Variants in SLIT3 observed in about 807,000 individuals in gnomAD.
SLIT3 encodes the protein slit guidance ligand 3.
In SLIT3, 68 loss-of-function variants were observed where a neutral mutation model predicts 184.0. That is an observed-to-expected ratio of 0.37 (90% CI 0.30 to 0.45). The LOEUF (loss-of-function observed/expected upper bound fraction) is 0.45, where lower values mean the gene tolerates loss of function less well. SLIT3 is among the 20% of genes least tolerant of loss of function. The probability of loss-of-function intolerance (pLI) is 1.00; values close to 1 mark genes in which losing one functional copy is unlikely to be tolerated. For synonymous variants in SLIT3, 831 were observed against 828.6 expected, an observed-to-expected ratio of 1.00 and a Z score of -0.05; for missense variants, 1,707 against 2,026.0, an observed-to-expected ratio of 0.84 and a Z score of 3.02.
intron 4 of SLIT3, among the ~76,000 whole-genome samples, chr5:168,962,546 A>G (rs1027708935): frequency 6.6e-6 from 1 of 151,986 alleles, no homozygotes; most frequent in Non-Finnish European, 1.5e-5. Context: ...CTTAAGAAGT[A>G]GAAGAAAGAA....
chr5:169,290,001 A>ATACACCAGGGCATACG, intron 1 of SLIT3, among the ~76,000 whole-genome samples: 1 of 150,696 alleles, frequency 6.6e-6, no homozygotes, highest in Admixed American at 6.6e-5. Flanking sequence ...TAGGGCATAC[A>ATACACCAGGGCATACG]CTAGGGCACA....
chr5:169,046,612 C>T (rs1757630238), intron 4 of SLIT3, among the ~76,000 whole-genome samples: 1 of 152,194 alleles, frequency 6.6e-6, no homozygotes, highest in African/African-American at 2.4e-5. Context: ...ATCACTTTCT[C>T]CTTGCCTTGC....
intron 4 of SLIT3, among the ~76,000 whole-genome samples, chr5:169,062,192 A>C (rs1758194231): frequency 6.6e-6 from 1 of 152,180 alleles, no homozygotes; most frequent in Non-Finnish European, 1.5e-5. Flanking sequence ...TCAGCAAAAA[A>C]ATAAATACAT....
At chr5:168,907,147 CA>C (rs1430528409) in intron 4 of SLIT3, among the ~76,000 whole-genome samples, 1 of 152,178 alleles carries the variant, frequency 6.6e-6, no homozygotes, top group Non-Finnish European at 1.5e-5. Flanking sequence ...AGGCATGAAC[CA>C]CCGCGCCCAG....
intron 4 of SLIT3, among the ~76,000 whole-genome samples, chr5:168,954,006 T>A (rs1762742015): frequency 1.8e-5 from 2 of 112,634 alleles, no homozygotes; most frequent in Non-Finnish European, 3.5e-5. Context: ...AGCTGGGAAC[T>A]GAGACATTTT....
At chr5:169,006,832 C>T (rs1755952114) in intron 4 of SLIT3, among the ~76,000 whole-genome samples, 1 of 151,992 alleles carries the variant, frequency 6.6e-6, no homozygotes, top group South Asian at 2.1e-4. Context: ...AGAGTCGAGC[C>T]CCTTGGCCTT....
chr5:169,250,375 C>T (rs1017301523), intron 2 of SLIT3, among the ~76,000 whole-genome samples: 4 of 152,296 alleles, frequency 2.6e-5, no homozygotes, highest in South Asian at 4.1e-4. Flanking sequence ...AAGCACTACA[C>T]GTGTAACTAT....
At chr5:168,755,941 C>T (rs1754932844) in intron 16 of SLIT3, among the ~76,000 whole-genome samples, 1 of 152,224 alleles carries the variant, frequency 6.6e-6, no homozygotes, top group Admixed American at 6.5e-5. Flanking sequence ...CCCTGGAAAG[C>T]ATCCCTGGCC....
rs1761020017 is a variant in SLIT3 at position 168,665,940 on chromosome 5, T to TTAAAAAACAA, written c.*504_*513dup. 6.6e-6 allele frequency: 1 copy of TTAAAAAACAA among 151,990 alleles called. No homozygotes were observed. Among genetic ancestry groups the TTAAAAAACAA allele is most frequent in the Non-Finnish European group, 1.5e-5 (1 of 67,964 alleles). The allele number at this position is 151,990 out of a possible 1,614,324, so 9.4% of individuals were successfully genotyped here. On this transcript the variant is annotated 3_prime_UTR_variant, in exon 36 of 36. Coordinates refer to ENST00000519560, the MANE Select transcript of SLIT3 (RefSeq NM_003062.4). ...TTAGGGGAGGAAAAATAAAAGGGAGTTAAAAAACAAGAAACAAAGGTCTTT... is the reference window on the plus strand; with the variant it reads ...TTAGGGGAGGAAAAATAAAAGGGAGTTAAAAAACAATAAAAAACAAGAAACAAAGGTCTTT...
At chr5:169,019,969 A>G (rs962561114) in intron 4 of SLIT3, among the ~76,000 whole-genome samples, 1 of 152,202 alleles carries the variant, frequency 6.6e-6, no homozygotes, top group African/African-American at 2.4e-5. Flanking sequence ...CCTGGGCTAC[A>G]ACAGAGACTG....
chr5:168,694,350 C>A (rs1031292882), intron 28 of SLIT3, among the ~76,000 whole-genome samples: 5 of 152,164 alleles, frequency 3.3e-5, no homozygotes, highest in African/African-American at 4.8e-5. Context: ...TCTTCTTGAC[C>A]AATGACTCAA....
intron 4 of SLIT3, among the ~76,000 whole-genome samples, chr5:168,980,715 G>A (rs1581265272): frequency 6.6e-6 from 1 of 152,134 alleles, no homozygotes; most frequent in African/African-American, 2.4e-5. Context: ...ATTTACAACG[G>A]TATCAGCAGT....
intron 3 of SLIT3, among the ~76,000 whole-genome samples, chr5:169,218,819 T>C (rs1160732735): frequency 1.3e-5 from 2 of 152,238 alleles, no homozygotes; most frequent in Non-Finnish European, 2.9e-5. Context: ...TGCAGAATGC[T>C]GGTCCAACTG....
At chr5:168,750,231 G>A (rs1298880828) in intron 18 of SLIT3, among the ~76,000 whole-genome samples, 2 of 152,164 alleles carry the variant, frequency 1.3e-5, no homozygotes, top group African/African-American at 4.8e-5. Context: ...CACTTTATAT[G>A]CATCTGTGGA....
chr5:169,092,147 C>CGA (rs1199964024), intron 4 of SLIT3, among the ~76,000 whole-genome samples: 2 of 152,076 alleles, frequency 1.3e-5, no homozygotes, highest in East Asian at 3.9e-4. Flanking sequence ...CGTTTAAACC[C>CGA]GAGAGGTGGA....
chr5:168,891,899 G>A (rs1007445903), intron 4 of SLIT3, among the ~76,000 whole-genome samples: 1 of 152,164 alleles, frequency 6.6e-6, no homozygotes, highest in South Asian at 2.1e-4. Flanking sequence ...TGGACAACAG[G>A]AATAGTCAGA....
chr5:169,002,466 G>A (rs1323011395), intron 4 of SLIT3, among the ~76,000 whole-genome samples: 1 of 151,986 alleles, frequency 6.6e-6, no homozygotes, highest in Non-Finnish European at 1.5e-5. Context: ...TCAGAACTAG[G>A]AAATAGTGGA....
intron 4 of SLIT3, among the ~76,000 whole-genome samples, chr5:169,111,900 G>A (rs1335618614): frequency 6.6e-6 from 1 of 152,158 alleles, no homozygotes; most frequent in African/African-American, 2.4e-5. Context: ...GATATCTGGG[G>A]GTGTCCTCTG....
intron 4 of SLIT3, among the ~76,000 whole-genome samples, chr5:168,927,131 T>C (rs999132628): frequency 2.6e-5 from 4 of 152,220 alleles, no homozygotes; most frequent in Non-Finnish European, 5.9e-5. Flanking sequence ...TGTCCACTGA[T>C]GGATGAATGG....
Sources: gnomAD v4.1 joint callset for allele counts (sites outside exome capture counted in the v4.1 genomes callset) on GRCh38, gnomAD v4.1.1 for gene constraint, MANE v1.5 for transcripts, NCBI Gene and HGNC (gene_info 2026-07-23, HGNC 2026-07-21) for gene names.